Variants in MBD5 observed in about 807,000 individuals in gnomAD.
The protein encoded by MBD5 is methyl-CpG-binding domain protein 5.
A neutral mutation model predicts 117.3 loss-of-function variants in MBD5; 13 were observed. The ratio of observed to expected loss-of-function variants is 0.11; its 90% CI spans 0.07 to 0.18. The LOEUF (loss-of-function observed/expected upper bound fraction) is 0.18, where lower values mean the gene tolerates loss of function less well. Among genes scored for constraint, MBD5 ranks in the 10% least tolerant of loss-of-function variants. The probability of loss-of-function intolerance (pLI) is 1.00; values close to 1 mark genes in which losing one functional copy is unlikely to be tolerated. For missense variants in MBD5, 1,879 were observed against 2,093.8 expected, an observed-to-expected ratio of 0.90 and a Z score of 2.00; for synonymous variants, 727 against 766.4, an observed-to-expected ratio of 0.95 and a Z score of 0.85.
In MBD5 at chr2:148,219,308, T is replaced by A. The variant is rs1699628688; in HGVS notation, c.-830-13937T>A. On this transcript the variant is annotated intron_variant, in intron 2 of 13. Transcript: ENST00000642680. Reference sequence around the variant, plus strand: ...GGCAGTAACCCACACGGAGCTGTCATCTGCTATGTAACAGTGCTTTCTTCT... The same window carrying A: ...GGCAGTAACCCACACGGAGCTGTCAACTGCTATGTAACAGTGCTTTCTTCT... Among the ~76,000 whole-genome samples the A allele has an allele frequency of 5.9e-5, 9 of 152,286 alleles. No individual in the cohort carries two copies. In the South Asian group the frequency reaches 1.9e-3, roughly 32 times the overall value.
intron 3 of MBD5, among the ~76,000 whole-genome samples, chr2:148,327,331 C>T (rs546202242): frequency 3.9e-5 from 6 of 152,076 alleles, no homozygotes; most frequent in South Asian, 4.1e-4. Context: ...TTGCTCTTCT[C>T]GAGGAGTATC....
chr2:148,224,864 G>A (rs1699781796), intron 2 of MBD5, among the ~76,000 whole-genome samples: 1 of 151,880 alleles, frequency 6.6e-6, no homozygotes, highest in South Asian at 2.1e-4. Context: ...TATTTTGTCT[G>A]ATAAAAGTAT....
intron 4 of MBD5, among the ~76,000 whole-genome samples, chr2:148,456,264 G>T (rs1169531784): frequency 1.3e-5 from 2 of 152,164 alleles, no homozygotes; most frequent in Non-Finnish European, 2.9e-5. Flanking sequence ...CCAGTGTCTG[G>T]TAAGGGACTA....
chr2:148,123,718 A>T (rs1166412758), intron 1 of MBD5, among the ~76,000 whole-genome samples: 3 of 152,210 alleles, frequency 2.0e-5, no homozygotes, highest in Non-Finnish European at 4.4e-5. Flanking sequence ...AGTTGACACT[A>T]TTAAAATAGG....
chr2:148,322,730 T>C (rs1187472393), intron 3 of MBD5, among the ~76,000 whole-genome samples: 1 of 152,210 alleles, frequency 6.6e-6, no homozygotes, highest in African/African-American at 2.4e-5. Flanking sequence ...TCAGAATTCT[T>C]AGTCCAACTA....
At chr2:148,053,483 T>C (rs1471541544) in intron 1 of MBD5, among the ~76,000 whole-genome samples, 2 of 152,242 alleles carry the variant, frequency 1.3e-5, no homozygotes, top group Admixed American at 1.3e-4. Context: ...TGTTGCTCTC[T>C]TATCCTATCT....
chr2:148,400,105 G>A (rs971182657), intron 4 of MBD5, among the ~76,000 whole-genome samples: 14 of 151,666 alleles, frequency 9.2e-5, no homozygotes, highest in African/African-American at 3.4e-4. Context: ...GGATATTGGT[G>A]ATCCTTATAT....
At chr2:148,279,563 A>T (rs780945748) in intron 3 of MBD5, among the ~76,000 whole-genome samples, 1 of 152,186 alleles carries the variant, frequency 6.6e-6, no homozygotes, top group Admixed American at 6.5e-5. Context: ...TCCAGTCAAG[A>T]TGACACCCAC....
At chr2:148,161,996 A>G (rs1698016866) in intron 1 of MBD5, among the ~76,000 whole-genome samples, 1 of 152,200 alleles carries the variant, frequency 6.6e-6, no homozygotes, top group African/African-American at 2.4e-5. Context: ...TGGTCTGCTC[A>G]TATGGTTTGA....
At chr2:148,267,641 T>G (rs1700889011) in intron 3 of MBD5, among the ~76,000 whole-genome samples, 1 of 152,180 alleles carries the variant, frequency 6.6e-6, no homozygotes, top group Non-Finnish European at 1.5e-5. Flanking sequence ...TGAATGGATA[T>G]TTTTATATTT....
Position 148,021,401 on chromosome 2 carries a change from G to T in MBD5, c.-1208G>T. On this transcript the variant is annotated 5_prime_UTR_variant, in exon 1 of 14. Transcript: ENST00000642680. ...CCCTCCACCCTCCTCCTCTTTGGCCGTGAGAGGAGGAGAGAAAGAAACCAA... is the reference window on the plus strand; with the variant it reads ...CCCTCCACCCTCCTCCTCTTTGGCCTTGAGAGGAGGAGAGAAAGAAACCAA... The T allele has an allele frequency of 2.0e-6, 1 of 497,348 alleles. No individual in the cohort carries two copies. Among genetic ancestry groups the T allele is most frequent in the Admixed American group, 2.3e-5 (1 of 44,150 alleles). 30.8% of individuals were successfully genotyped at this position (497,348 alleles called of 1,614,324 possible).
At chr2:148,336,350 C>G (rs1405441800) in intron 3 of MBD5, among the ~76,000 whole-genome samples, 2 of 152,072 alleles carry the variant, frequency 1.3e-5, no homozygotes, top group African/African-American at 4.8e-5. Context: ...AACTAAGATT[C>G]TACCCCTATC....
At chr2:148,398,714 G>T (rs1352798925) in intron 4 of MBD5, among the ~76,000 whole-genome samples, 20 of 152,204 alleles carry the variant, frequency 1.3e-4, no homozygotes, top group East Asian at 9.6e-4. Flanking sequence ...GTTTTAGACA[G>T]GAAGTCCTTG....
intron 4 of MBD5, among the ~76,000 whole-genome samples, chr2:148,348,454 T>C (rs1323690744): frequency 6.6e-6 from 1 of 152,048 alleles, no homozygotes; most frequent in African/African-American, 2.4e-5. Flanking sequence ...TTCAGTATTT[T>C]CAAATAAAGG....
intron 3 of MBD5, among the ~76,000 whole-genome samples, chr2:148,268,337 C>A (rs1700907252): frequency 6.6e-6 from 1 of 152,120 alleles, no homozygotes; most frequent in African/African-American, 2.4e-5. Context: ...CCACCCAGGC[C>A]TCCCAAAGTG....
At chr2:148,417,716 C>T (rs945014071) in intron 4 of MBD5, among the ~76,000 whole-genome samples, 9 of 151,576 alleles carry the variant, frequency 5.9e-5, no homozygotes, top group African/African-American at 1.5e-4. Flanking sequence ...TTAATTATGT[C>T]GAGTATTTTT....
chr2:148,261,199 C>T (rs890558264), intron 3 of MBD5, among the ~76,000 whole-genome samples: 1 of 152,112 alleles, frequency 6.6e-6, no homozygotes, highest in African/African-American at 2.4e-5. Context: ...CCTAAAATCA[C>T]CAACTGCATT....
rs371306417 is a variant in MBD5, at chr2:148,171,111, A to G, written c.-924-7589A>G. On this transcript the variant is annotated intron_variant, in intron 1 of 13. Coordinates refer to ENST00000642680, the MANE Select transcript of MBD5 (RefSeq NM_001378120.1). The stretch of plus-strand genomic sequence containing the variant: ...ACTCTTCCAAAAAATCAAAGAGCAG[A>G]TAATACTTTCAAACTCTTTTTATGA... Among the ~76,000 whole-genome samples the G allele has an allele frequency of 9.2e-5, 14 of 152,326 alleles. 1 individual carries two copies. The South Asian group carries it at 2.9e-3, about 32-fold the overall frequency.
chr2:148,077,110 T>C lies in MBD5; in HGVS notation c.-925+55426T>C, dbSNP rs186273123. 2.4e-4 allele frequency among the ~76,000 whole-genome samples: 36 copies of C among 152,350 alleles called. No individual in the cohort carries two copies. In the East Asian group the frequency reaches 6.7e-3, roughly 29 times the overall value. ...AAAAAGTTTGCTGACATCTGTTCTA[T>C]AATAACTGTACTTAAATTTGAAGCT... On this transcript the variant is annotated intron_variant, in intron 1 of 13. Transcript: ENST00000642680.
Sources: gnomAD v4.1 joint callset for allele counts (sites outside exome capture counted in the v4.1 genomes callset) on GRCh38, gnomAD v4.1.1 for gene constraint, MANE v1.5 for transcripts, NCBI Gene and HGNC (gene_info 2026-07-23, HGNC 2026-07-21) for gene names.